Variants in TRAPPC8 observed in about 807,000 individuals in gnomAD.
TRAPPC8 encodes general sporulation gene 1 homolog.
Under a neutral mutation model 174.3 loss-of-function variants are expected in TRAPPC8, and 54 were observed. That is an observed-to-expected ratio of 0.31 (90% CI 0.25 to 0.39). The LOEUF (loss-of-function observed/expected upper bound fraction) is 0.39. Among genes scored for constraint, TRAPPC8 ranks in the 10% least tolerant of loss-of-function variants. TRAPPC8 has a pLI of 1.00. For missense variants in TRAPPC8, 1,531 were observed against 1,699.1 expected, an observed-to-expected ratio of 0.90 and a Z score of 1.74; for synonymous variants, 630 against 579.9, an observed-to-expected ratio of 1.09 and a Z score of -1.24.
intron 1 of TRAPPC8, among the ~76,000 whole-genome samples, chr18:31,934,984 AAAT>A (rs2038019487): frequency 1.3e-5 from 2 of 151,486 alleles, no homozygotes; most frequent in East Asian, 3.9e-4. Flanking sequence ...ATAAATAAAT[AAAT>A]AAAATGTATT....
In TRAPPC8 at chr18:31,925,214, TCAAAA is replaced by T. The variant is rs578163078; in HGVS notation, c.352+6110_352+6114del. 1.5e-3 allele frequency among the ~76,000 whole-genome samples: 210 copies of T among 143,644 alleles called. 2 individuals carry two copies. Among genetic ancestry groups the T allele is most frequent in the Middle Eastern group, 3.6e-3 (1 of 280 alleles). 94.2% of individuals were successfully genotyped at this position (143,644 alleles called of 152,430 possible). A position where few individuals can be genotyped will look rare whatever the true frequency, so the allele number is the denominator to read the frequency against. ...AGGTAAGTGTCCAACATGAAAAAAA[TCAAAA>T]CAAATAAAAATAATACGAATGAAAA... is the stretch of plus-strand genomic sequence containing the variant. On this transcript the variant is annotated intron_variant, in intron 2 of 28. Transcript: ENST00000283351.
intron 12 of TRAPPC8, among the ~76,000 whole-genome samples, chr18:31,877,195 G>C (rs1169201134): frequency 2.0e-5 from 3 of 152,180 alleles, no homozygotes; most frequent in Non-Finnish European, 4.4e-5. Flanking sequence ...ATGAAGAGGG[G>C]ATCATTTCCC....
chr18:31,880,324 C>G (rs917394936), intron 12 of TRAPPC8, among the ~76,000 whole-genome samples: 2 of 151,364 alleles, frequency 1.3e-5, no homozygotes, highest in African/African-American at 4.9e-5. Flanking sequence ...GGGTTTTATT[C>G]CAGAAATACA....
In TRAPPC8 at chr18:31,909,755, T is replaced by G. The variant is rs771838072; in HGVS notation, c.777A>C (p.Ser259=). 15 of 1,567,618 alleles carry G rather than the reference T, an allele frequency of 9.6e-6. No homozygotes were observed. The highest frequency in any genetic ancestry group is 8.6e-7 in the Non-Finnish European group (1 of 1,160,622). ...LQKNSIQNQE[S]YEDGPCTITS... is the part of the protein sequence containing the mutation. ...TTATAGTACAAGGGCCATCTTCATA[T>G]GATTCCTATCAAAATAAAATTTAAA... The change falls in exon 6 of 29, where the codon TCA becomes TCC. Residue 259 remains serine (S), a synonymous_variant. Transcript: ENST00000283351.
rs971518612 is a variant in TRAPPC8, at chr18:31,928,344, C to T, written c.352+2985G>A. On this transcript the variant is annotated intron_variant, in intron 2 of 28. Transcript: ENST00000283351. ...CAGCGAGACCTTATCTCTACACACA[C>T]ACACACACACACACACACACACAGA... Among the ~76,000 whole-genome samples the T allele has an allele frequency of 5.9e-3, 783 of 132,262 alleles. 5 individuals are homozygous for T. Among genetic ancestry groups the T allele is most frequent in the African/African-American group, 0.022 (734 of 32,982 alleles). The allele number at this position is 132,262 out of a possible 152,430, so 86.8% of individuals were successfully genotyped here. A position where few individuals can be genotyped will look rare whatever the true frequency, so the allele number is the denominator to read the frequency against.
At chr18:31,875,498 A>G (rs1317248685) in intron 12 of TRAPPC8, among the ~76,000 whole-genome samples, 1 of 152,160 alleles carries the variant, frequency 6.6e-6, no homozygotes, top group African/African-American at 2.4e-5. Context: ...GTTCAAATAA[A>G]GCAGTGGGCT....
Position 31,913,539 on chromosome 18 carries a change from A to T in TRAPPC8, c.618-17T>A. On this transcript the variant is annotated splice_polypyrimidine_tract_variant and intron_variant, in intron 4 of 28. Transcript: ENST00000283351. ...GATTCAGCTCTAAAACAGAAAATGG[A>T]AAAAAATCTGAAGTAAAAGAGGAGC... 1 of 1,556,498 alleles carries T rather than the reference A, an allele frequency of 6.4e-7. No individual in the cohort carries two copies. Among genetic ancestry groups the T allele is most frequent in the South Asian group, 1.2e-5 (1 of 83,808 alleles).
At chr18:31,934,664 T>A (rs1219825270) in intron 1 of TRAPPC8, among the ~76,000 whole-genome samples, 2 of 151,952 alleles carry the variant, frequency 1.3e-5, no homozygotes, top group Non-Finnish European at 2.9e-5. Flanking sequence ...GGTCAGGAGT[T>A]CAAGACCAGC....
chr18:31,880,974 C>T lies in TRAPPC8; in HGVS notation c.1729-6270G>A, dbSNP rs190933705. 3.7e-3 allele frequency among the ~76,000 whole-genome samples: 562 copies of T among 151,966 alleles called. 3 individuals carry two copies. Among genetic ancestry groups the T allele is most frequent in the Non-Finnish European group, 6.4e-3 (435 of 67,896 alleles). ...GGAGGTAAAAGAGAACTACAAAACA[C>T]TGATAAAAGAAAGTACAGACACAAA... On this transcript the variant is annotated intron_variant, in intron 12 of 28. Transcript: ENST00000283351.
Position 31,857,683 on chromosome 18 carries a change from A to T in TRAPPC8, c.3045T>A (p.Ile1015=). 1 of 1,614,168 alleles carries T rather than the reference A, an allele frequency of 6.2e-7. No homozygotes were observed. Among genetic ancestry groups the T allele is most frequent in the Non-Finnish European group, 8.5e-7 (1 of 1,180,026 alleles). ...GAACAGTGTCAGGAAGGGGAACAGG[A>T]ATCACCTCTGGTTGACTTCCTGTGC... ...GIGTGSQPEV[I]PVPLPDTVLL... is the part of the protein sequence containing the mutation. The change falls in exon 20 of 29, where the codon ATT becomes ATA. Residue 1015 remains isoleucine (I), a synonymous_variant. Coordinates refer to ENST00000283351, the MANE Select transcript of TRAPPC8 (RefSeq NM_014939.5).
Position 31,917,629 on chromosome 18 carries a change from G to A in TRAPPC8, c.391C>T (p.Leu131Phe), listed in dbSNP as rs774463626. 20 of 1,613,412 alleles carry A rather than the reference G, an allele frequency of 1.2e-5. No individual in the cohort carries two copies. Among genetic ancestry groups the A allele is most frequent in the Non-Finnish European group, 1.7e-5 (20 of 1,179,738 alleles). ...TGATCCAATGCTGGCATCGACTGAA[G>A]AAAGGTTTCTCTGTAAGACTCAAAC... ...PWFESYRETF[L>F]QSMPALDHEF... The change falls in exon 3 of 29, where the codon CTT becomes TTT. Residue 131 changes from leucine (L) to phenylalanine (F), a missense_variant. Coordinates refer to ENST00000283351, the MANE Select transcript of TRAPPC8 (RefSeq NM_014939.5).
At chr18:31,934,864 A>G (rs1019763575) in intron 1 of TRAPPC8, among the ~76,000 whole-genome samples, 12 of 151,262 alleles carry the variant, frequency 7.9e-5, no homozygotes, top group Admixed American at 7.9e-4. Flanking sequence ...CTGAGATCAC[A>G]CTACTGCACT....
intron 21 of TRAPPC8, 99 bp downstream of exon 21, chr18:31,855,561 C>T (rs2033955725): frequency 1.0e-6 from 1 of 991,886 alleles, no homozygotes; most frequent in Non-Finnish European, 1.5e-6. Flanking sequence ...AAATCCCTAG[C>T]TTATGCTGTC....
chr18:31,875,431 T>TGCCC (rs1367983156), intron 12 of TRAPPC8, among the ~76,000 whole-genome samples: 1 of 152,014 alleles, frequency 6.6e-6, no homozygotes, highest in Non-Finnish European at 1.5e-5. Context: ...CCTGCCTGCC[T>TGCCC]GCCTGCCAGA....
At chr18:31,856,770 C>G (rs1299644430) in intron 20 of TRAPPC8, among the ~76,000 whole-genome samples, 1 of 150,218 alleles carries the variant, frequency 6.7e-6, no homozygotes, top group East Asian at 2.0e-4. Flanking sequence ...CCACTACTCT[C>G]TTGCATATCC....
At position 31,908,785 on chromosome 18, in the gene TRAPPC8, A is replaced by G; in HGVS notation, c.1091T>C (p.Ile364Thr). 1.2e-6 allele frequency: 2 copies of G among 1,611,070 alleles called. No homozygotes were observed. Among genetic ancestry groups the G allele is most frequent in the Non-Finnish European group, 1.7e-6 (2 of 1,178,064 alleles). ...EFTFRGLLPHIEKTIRQLNDQ... is the reference protein window; with the variant it reads ...EFTFRGLLPHTEKTIRQLNDQ... ...GTTTAATTGCCTAATTGTTTTCTCT[A>G]TATGTGGCAAAAGGCCCCGAAATGT... is the stretch of plus-strand genomic sequence containing the variant. The change falls in exon 7 of 29, where the codon ATA becomes ACA. Residue 364 changes from isoleucine to threonine, a missense_variant. Coordinates refer to ENST00000283351, the MANE Select transcript of TRAPPC8 (RefSeq NM_014939.5).
At chr18:31,842,696 A>G (rs10153421) in intron 26 of TRAPPC8, among the ~76,000 whole-genome samples, 39,306 of 152,164 alleles carry the variant, frequency 0.26, 5,369 homozygotes, top group Middle Eastern at 0.38. Flanking sequence ...CTGAAATCAG[A>G]AATGCTGCAA....
rs540064737 is a variant in TRAPPC8, at chr18:31,918,979, C to T, written c.353-1312G>A. On this transcript the variant is annotated intron_variant, in intron 2 of 28. Coordinates refer to ENST00000283351, the MANE Select transcript of TRAPPC8 (RefSeq NM_014939.5). ...TTGCTTTCATCTTAACCACTGAAAA[C>T]AGCAAATATATTCTTTCTGCTTATA... is the stretch of plus-strand genomic sequence containing the variant. Among the ~76,000 whole-genome samples, 11 of 152,260 alleles carry T rather than the reference C, an allele frequency of 7.2e-5. No individual in the cohort carries two copies. In the South Asian group the frequency reaches 2.1e-3, roughly 29 times the overall value.
intron 12 of TRAPPC8, among the ~76,000 whole-genome samples, chr18:31,882,893 G>C (rs2035525410): frequency 6.7e-6 from 1 of 149,174 alleles, no homozygotes; most frequent in Admixed American, 6.7e-5. Context: ...GGGATTACAC[G>C]CATGAGCCAC....
Sources: allele counts gnomAD v4.1 joint callset (sites outside exome capture counted in the v4.1 genomes callset), GRCh38; gene constraint gnomAD v4.1.1; transcripts MANE v1.5; gene names NCBI Gene and HGNC (gene_info 2026-07-23, HGNC 2026-07-21).